Variants in PHF8 observed in about 807,000 individuals in gnomAD.
The protein encoded by PHF8 is histone lysine demethylase PHF8.
Under a neutral mutation model 74.4 loss-of-function variants are expected in PHF8, and 9 were observed. The observed-to-expected ratio is 0.12, with a 90% CI of 0.07 to 0.21. The LOEUF (loss-of-function observed/expected upper bound fraction) is 0.21, where lower values mean the gene tolerates loss of function less well. Ranked by LOEUF, PHF8 falls within the 10% of genes least tolerant of loss-of-function variation. The probability of loss-of-function intolerance (pLI) is 1.00; values close to 1 mark genes in which losing one functional copy is unlikely to be tolerated. For missense variants in PHF8, 478 were observed against 816.6 expected (o/e 0.59, Z 5.05); for synonymous variants, 311 against 316.6 (o/e 0.98, Z 0.19).
At chrX:54,042,139 C>A (rs1268489368) in intron 2 of PHF8, among the ~76,000 whole-genome samples, 5 of 109,846 alleles carry the variant, frequency 4.6e-5, no homozygotes, top group Non-Finnish European at 7.6e-5. Context: ...ACCGTCTCTA[C>A]TAAAAATACA....
chrX:54,000,007 GA>G (rs782047834), intron 10 of PHF8, 46 bp from the exon 11 acceptor site: 16 of 827,530 alleles, frequency 1.9e-5, no homozygotes, highest in Non-Finnish European at 2.5e-5. Flanking sequence ...AGCCATGCAG[GA>G]AAGTGAAGGA....
chrX:54,021,855 C>A (rs2066182629), intron 4 of PHF8, among the ~76,000 whole-genome samples: 2 of 111,188 alleles, frequency 1.8e-5, no homozygotes, highest in Admixed American at 1.9e-4. Context: ...TTTTTTAACT[C>A]ATTATTTTTG....
At chrX:54,009,577 G>A (rs2065946896) in intron 8 of PHF8, among the ~76,000 whole-genome samples, 1 of 109,456 alleles carries the variant, frequency 9.1e-6, no homozygotes, top group Non-Finnish European at 1.9e-5. Flanking sequence ...GGGTGCGGTG[G>A]CTCACCCCTG....
At chrX:53,997,375 A>G (rs1222156424) in intron 11 of PHF8, among the ~76,000 whole-genome samples, 1 of 112,093 alleles carries the variant, frequency 8.9e-6, no homozygotes, top group African/African-American at 3.2e-5. Context: ...AGGGCTGATA[A>G]AAAATTCCTC....
intron 14 of PHF8, among the ~76,000 whole-genome samples, chrX:53,990,408 T>A (rs1008480317): frequency 9.0e-6 from 1 of 110,626 alleles, no homozygotes; most frequent in South Asian, 3.9e-4. Flanking sequence ...CAGCGGGTAA[T>A]AGGCAGCAGC....
chrX:54,017,937 G>A, intron 4 of PHF8, 116 bp from the exon 5 acceptor site: 1 of 629,636 alleles, frequency 1.6e-6, no homozygotes, highest in East Asian at 3.5e-5. Context: ...ATGTGAGCTG[G>A]CAACTAATGC....
intron 18 of PHF8, among the ~76,000 whole-genome samples, chrX:53,968,084 T>C (rs2065238848): frequency 1.0e-5 from 1 of 99,994 alleles, no homozygotes. Flanking sequence ...CAAATCCCTC[T>C]CTGTGAGAAA....
rs782253303 is a variant in PHF8, at chrX:53,987,116, G to T, written c.1957C>A (p.Arg653=). 7.5e-6 allele frequency: 9 copies of T among 1,204,421 alleles called. No homozygotes were observed. Among genetic ancestry groups the T allele is most frequent in the Non-Finnish European group, 9.0e-6 (8 of 889,125 alleles). Residue 653 remains arginine (R), a synonymous_variant, in exon 16 of 22, where the codon CGA becomes AGA. Transcript: ENST00000338154. The stretch of plus-strand genomic sequence containing the variant: ...TCAACTTCTCCTGGTTCACGAACTC[G>T]GTTGGGGTCAGAGCAAGGCTTCGCA... ...PRAKPCSDPN[R]VREPGEVEFD...
At chrX:53,949,751 G>A (rs1403714349) in intron 19 of PHF8, among the ~76,000 whole-genome samples, 1 of 98,824 alleles carries the variant, frequency 1.0e-5, no homozygotes, top group Non-Finnish European at 2.0e-5. Flanking sequence ...GGCGGAGCTT[G>A]CAGTGAGCGG....
intron 8 of PHF8, among the ~76,000 whole-genome samples, chrX:54,008,266 C>T (rs1443172890): frequency 9.3e-6 from 1 of 107,900 alleles, no homozygotes; most frequent in Non-Finnish European, 1.9e-5. Flanking sequence ...ATGCGGGAGG[C>T]TGAGGCCAGA....
chrX:53,954,499 CAAAAAAA>C (rs1180184175), intron 19 of PHF8, among the ~76,000 whole-genome samples: 15 of 13,125 alleles, frequency 1.1e-3, no homozygotes, highest in South Asian at 6.7e-3. Context: ...GACTCTGTCT[CAAAAAAA>C]AAAAAAAAAA....
At chrX:54,043,049 A>AC in intron 1 of PHF8, 1 of 253,135 alleles carries the variant, frequency 4.0e-6, no homozygotes, top group South Asian at 1.9e-4. Flanking sequence ...TCCACTCCCC[A>AC]CCCCCCACCT....
chrX:53,963,015 T>C (rs1207393999), intron 18 of PHF8, 76 bp from the exon 19 acceptor site: 2 of 613,376 alleles, frequency 3.3e-6, no homozygotes, highest in Non-Finnish European at 2.8e-6. Context: ...CTACTCCAGC[T>C]CCTGCCCTTC....
chrX:54,000,205 G>A (rs1307333367), intron 10 of PHF8, among the ~76,000 whole-genome samples: 10 of 111,920 alleles, frequency 8.9e-5, no homozygotes, highest in African/African-American at 3.2e-4. Flanking sequence ...ATACAGCCCA[G>A]AAAATTGAGG....
intron 11 of PHF8, among the ~76,000 whole-genome samples, chrX:53,998,742 G>A (rs2065786698): frequency 9.0e-6 from 1 of 111,380 alleles, no homozygotes; most frequent in Non-Finnish European, 1.9e-5. Flanking sequence ...TACATACAGA[G>A]CTTTCTTATT....
intron 8 of PHF8, among the ~76,000 whole-genome samples, chrX:54,005,622 TAAA>T (rs782521734): frequency 1.5e-5 from 1 of 67,385 alleles, no homozygotes; most frequent in Non-Finnish European, 2.9e-5. Flanking sequence ...GCAGAAAACT[TAAA>T]AAAAAAAAAA....
At chrX:53,959,278 C>T (rs1488320055) in intron 19 of PHF8, among the ~76,000 whole-genome samples, 5 of 111,331 alleles carry the variant, frequency 4.5e-5, no homozygotes, top group African/African-American at 1.3e-4. Context: ...TACCCCTCCC[C>T]TATAAATGTA....
chrX:53,981,894 G>T (rs2065485127), intron 18 of PHF8, among the ~76,000 whole-genome samples: 1 of 112,114 alleles, frequency 8.9e-6, no homozygotes, highest in Non-Finnish European at 1.9e-5. Flanking sequence ...TCTGATGAAA[G>T]ATAGGTCTCC....
At chrX:54,017,192 G>A (rs1302958565) in intron 5 of PHF8, among the ~76,000 whole-genome samples, 1 of 113,207 alleles carries the variant, frequency 8.8e-6, no homozygotes, top group Admixed American at 9.3e-5. Flanking sequence ...GCTCACGCCT[G>A]TAATCCCAGT....
Sources: gnomAD v4.1 joint callset for allele counts (sites outside exome capture counted in the v4.1 genomes callset) on GRCh38, gnomAD v4.1.1 for gene constraint, MANE v1.5 for transcripts, NCBI Gene and HGNC (gene_info 2026-07-23, HGNC 2026-07-21) for gene names.